Variants in C2CD3 observed in about 807,000 individuals in gnomAD.
The protein encoded by C2CD3 is C2 domain containing 3 centriole elongation regulator.
C2CD3 carries 148 observed loss-of-function variants against 234.0 expected under a neutral mutation model. That is an observed-to-expected ratio of 0.63 (90% CI 0.55 to 0.72). The LOEUF is 0.72. Ranked by LOEUF, C2CD3 falls within the 30% of genes least tolerant of loss-of-function variation. The pLI is 0.00. For missense variants in C2CD3, 2,577 were observed against 2,811.5 expected, an observed-to-expected ratio of 0.92 and a Z score of 1.89; for synonymous variants, 1,000 against 1,035.4, an observed-to-expected ratio of 0.97 and a Z score of 0.66.
At chr11:74,131,358 CTCTCTT>C (rs1406576015) in intron 7 of C2CD3, among the ~76,000 whole-genome samples, 1 of 151,234 alleles carries the variant, frequency 6.6e-6, no homozygotes, top group Non-Finnish European at 1.5e-5. Context: ...GTCTATCTCT[CTCTCTT>C]TATAGATACA....
At chr11:74,150,513 AAACAAAAAAAAAACAAAAC>A (rs1855547651) in intron 3 of C2CD3, among the ~76,000 whole-genome samples, 2 of 67,778 alleles carry the variant, frequency 3.0e-5, no homozygotes, top group African/African-American at 1.4e-4. Context: ...AAAAAAAAAA[AAACAAAAAAAAAACAAAAC>A]AAATTTCTAA....
At chr11:74,103,654 T>A (rs756566995) in intron 13 of C2CD3, 29 bp from the exon 14 acceptor site, 1 of 1,575,066 alleles carries the variant, frequency 6.3e-7, no homozygotes, top group Non-Finnish European at 8.6e-7. Flanking sequence ...GAAGAGTCAA[T>A]AAGAATGTCC....
intron 1 of C2CD3, among the ~76,000 whole-genome samples, chr11:74,170,348 A>T (rs1183492894): frequency 1.3e-5 from 2 of 152,212 alleles, no homozygotes; most frequent in African/African-American, 4.8e-5. Context: ...ATAAAACGTG[A>T]TTCTTGCCCA....
intron 32 of C2CD3, chr11:74,016,886 G>A (rs554094682): frequency 2.6e-5 from 4 of 152,556 alleles, no homozygotes; most frequent in Admixed American, 2.6e-4. Flanking sequence ...AACACACATG[G>A]AAGCAGGATC....
At chr11:74,158,056 T>C (rs368170938) in intron 3 of C2CD3, among the ~76,000 whole-genome samples, 2 of 152,190 alleles carry the variant, frequency 1.3e-5, no homozygotes, top group East Asian at 3.8e-4. Context: ...TAGACTTAAA[T>C]GTAAGATCTA....
At chr11:74,121,438 C>G (rs942071327) in intron 8 of C2CD3, among the ~76,000 whole-genome samples, 8 of 151,376 alleles carry the variant, frequency 5.3e-5, no homozygotes, top group African/African-American at 1.9e-4. Flanking sequence ...GAAGGCCTGT[C>G]TCTAATAAAA....
intron 9 of C2CD3, among the ~76,000 whole-genome samples, chr11:74,116,315 G>A (rs1956924841): frequency 6.6e-6 from 1 of 151,874 alleles, no homozygotes; most frequent in Non-Finnish European, 1.5e-5. Context: ...GTGGTCTAAG[G>A]ACATGAATAA....
At chr11:74,037,911 T>A (rs1206883656) in intron 29 of C2CD3, among the ~76,000 whole-genome samples, 2 of 152,166 alleles carry the variant, frequency 1.3e-5, no homozygotes, top group Admixed American at 1.3e-4. Context: ...CTCCCCCTTT[T>A]GTCTGTCTAA....
chr11:74,093,238 A>ATG (rs1167713628), intron 18 of C2CD3, among the ~76,000 whole-genome samples: 4 of 151,144 alleles, frequency 2.6e-5, no homozygotes, highest in African/African-American at 4.9e-5. Context: ...GGTGGGTTGA[A>ATG]CATCCGTATT....
intron 3 of C2CD3, among the ~76,000 whole-genome samples, chr11:74,153,946 C>A (rs1855846208): frequency 2.0e-5 from 3 of 151,380 alleles, no homozygotes; most frequent in Admixed American, 1.3e-4. Flanking sequence ...TATATTCAAA[C>A]AAAATTTAAT....
At chr11:74,169,554 G>A (rs2135579652) in intron 1 of C2CD3, among the ~76,000 whole-genome samples, 1 of 152,138 alleles carries the variant, frequency 6.6e-6, no homozygotes, top group Non-Finnish European at 1.5e-5. Flanking sequence ...CACCGCCTCT[G>A]CCCTCTATAG....
intron 20 of C2CD3, among the ~76,000 whole-genome samples, chr11:74,087,131 A>G (rs79282414): frequency 0.023 from 3,460 of 152,314 alleles, 126 homozygotes; most frequent in African/African-American, 0.078. Flanking sequence ...TTTCCTTTTC[A>G]TTATCGTTAA....
chr11:74,078,482 T>G lies in C2CD3; in HGVS notation c.4236A>C (p.Pro1412=). 6.2e-7 allele frequency: 1 copy of G among 1,614,194 alleles called. No individual in the cohort carries two copies. ...GEPATVTIST[P]RLWLPIHCVL... Reference sequence around the variant, plus strand: ...CACAATGGATGGGCAGCCACAGCCTTGGGGTGGAGATGGTGACAGTGGCTG... The same window carrying G: ...CACAATGGATGGGCAGCCACAGCCTGGGGGTGGAGATGGTGACAGTGGCTG... The change falls in exon 23 of 33, where the codon CCA becomes CCC. Residue 1412 remains proline, a synonymous_variant. Transcript: ENST00000334126.
chr11:74,088,062 A>C (rs1331539516), intron 20 of C2CD3, among the ~76,000 whole-genome samples: 1 of 152,168 alleles, frequency 6.6e-6, no homozygotes, highest in East Asian at 1.9e-4. Context: ...AGGATTCAAG[A>C]GGGGTAAGTT....
chr11:74,013,717 T>C (rs1419373306), intron 32 of C2CD3, among the ~76,000 whole-genome samples, 192 bp from the exon 33 acceptor site: 1 of 152,172 alleles, frequency 6.6e-6, no homozygotes, highest in African/African-American at 2.4e-5. Flanking sequence ...ATTCTCCCCA[T>C]GTCGTGGATA....
At chr11:74,151,677 T>A (rs762349792) in intron 3 of C2CD3, among the ~76,000 whole-genome samples, 12 of 152,192 alleles carry the variant, frequency 7.9e-5, no homozygotes, top group South Asian at 4.2e-4. Flanking sequence ...ATTTATAAAA[T>A]TTACAATGTT....
intron 29 of C2CD3, among the ~76,000 whole-genome samples, chr11:74,040,743 G>A (rs1034454449): frequency 6.6e-6 from 1 of 151,946 alleles, no homozygotes; most frequent in Non-Finnish European, 1.5e-5. Flanking sequence ...GCAACAGTGC[G>A]AGACCCCATC....
chr11:74,093,768 A>G, intron 18 of C2CD3, 48 bp downstream of exon 18: 1 of 1,497,348 alleles, frequency 6.7e-7, no homozygotes, highest in South Asian at 1.2e-5. Context: ...ATGCTTTATG[A>G]TTGTGCACTT....
intron 2 of C2CD3, among the ~76,000 whole-genome samples, chr11:74,166,465 G>A (rs774610206): frequency 1.3e-5 from 2 of 152,068 alleles, no homozygotes; most frequent in Non-Finnish European, 2.9e-5. Context: ...CACATTTGAT[G>A]TTTTAACTCT....
Sources: allele counts gnomAD v4.1 joint callset (sites outside exome capture counted in the v4.1 genomes callset), GRCh38; gene constraint gnomAD v4.1.1; transcripts MANE v1.5; gene names NCBI Gene and HGNC (gene_info 2026-07-23, HGNC 2026-07-21).